WDR1: variants seen among roughly 807,000 people sequenced by gnomAD.
The protein encoded by WDR1 is WD repeat-containing protein 1.
WDR1 carries 21 observed loss-of-function variants against 71.9 expected under a neutral mutation model. The ratio of observed to expected loss-of-function variants is 0.29; its 90% CI spans 0.21 to 0.42. WDR1 has a LOEUF of 0.42. WDR1 is among the 10% of genes least tolerant of loss of function. The probability of loss-of-function intolerance (pLI) is 1.00; values close to 1 mark genes in which losing one functional copy is unlikely to be tolerated. For synonymous variants in WDR1, 424 were observed against 347.4 expected, an observed-to-expected ratio of 1.22 and a Z score of -2.45; for missense variants, 696 against 824.5, an observed-to-expected ratio of 0.84 and a Z score of 1.91.
At chr4:10,082,183 A>C (rs1765041381) in intron 10 of WDR1, among the ~76,000 whole-genome samples, 1 of 152,138 alleles carries the variant, frequency 6.6e-6, no homozygotes, top group Non-Finnish European at 1.5e-5. Context: ...ACTCATCGGG[A>C]GGCCCAATTT....
chr4:10,089,453 A>T (rs567929371), intron 5 of WDR1, among the ~76,000 whole-genome samples: 1 of 152,308 alleles, frequency 6.6e-6, no homozygotes, highest in Non-Finnish European at 1.5e-5. Flanking sequence ...TTCATCAAGA[A>T]CAAGAGCCTG....
At chr4:10,075,605 G>A (rs368072981) in intron 14 of WDR1, 121 bp from the exon 15 acceptor site, 76 of 897,332 alleles carry the variant, frequency 8.5e-5, no homozygotes, top group East Asian at 4.5e-4. Flanking sequence ...AAATGGCCAC[G>A]AATCGTTGTA....
At chr4:10,078,864 A>G (rs1245400232) in intron 12 of WDR1, 27 bp downstream of exon 12, 40 of 1,586,876 alleles carry the variant, frequency 2.5e-5, no homozygotes, top group Non-Finnish European at 3.4e-5. Flanking sequence ...AAGGACAGAG[A>G]GCACGGGGGA....
chr4:10,086,662 G>A (rs1254239643), intron 8 of WDR1, among the ~76,000 whole-genome samples: 1 of 152,222 alleles, frequency 6.6e-6, no homozygotes, highest in African/African-American at 2.4e-5. Context: ...GCAGAGGCTG[G>A]TCCCCCAGAG....
At chr4:10,082,981 T>C (rs764481423) in intron 10 of WDR1, 41 bp downstream of exon 10, 3 of 1,580,236 alleles carry the variant, frequency 1.9e-6, no homozygotes, top group Non-Finnish European at 1.7e-6. Context: ...CGAGGGGAGC[T>C]GAGGCTCATC....
At position 10,097,868 on chromosome 4, in the gene WDR1, T is replaced by C; in HGVS notation, c.401A>G (p.Asp134Gly). ...REKFGAVFLWDSGSSVGEITG... is the reference protein window; with the variant it reads ...REKFGAVFLWGSGSSVGEITG... The stretch of plus-strand genomic sequence containing the variant: ...AATCTCGCCCACAGAAGAGCCACTA[T>C]CCCAGAGGAAGACTGCTCCAAACCT... The change falls in exon 5 of 15, where the codon GAT becomes GGT. Residue 134 changes from aspartate (D) to glycine (G), a missense_variant. Transcript: ENST00000499869. The C allele has an allele frequency of 6.3e-7, 1 of 1,593,638 alleles. No homozygotes were observed. Among genetic ancestry groups the C allele is most frequent in the Non-Finnish European group, 8.5e-7 (1 of 1,172,484 alleles).
At chr4:10,089,946 G>A (rs550403045) in intron 5 of WDR1, among the ~76,000 whole-genome samples, 30 of 152,308 alleles carry the variant, frequency 2.0e-4, no homozygotes, top group African/African-American at 7.2e-4. Flanking sequence ...ATGCAGTCCA[G>A]TTAAAATGAG....
intron 5 of WDR1, chr4:10,092,056 G>A (rs886309149): frequency 2.0e-4 from 30 of 152,356 alleles, no homozygotes; most frequent in Admixed American, 1.9e-3. Context: ...GAGTTCTCTC[G>A]CTGCCGAACT....
At position 10,077,822 on chromosome 4, in the gene WDR1, G is replaced by A. The variant is rs568166167; in HGVS notation, c.1500C>T (p.Asp500=). The change falls in exon 13 of 15, where the codon GAC becomes GAT. Residue 500 remains aspartate, a synonymous_variant. Coordinates refer to ENST00000499869, the MANE Select transcript of WDR1 (RefSeq NM_017491.5). The part of the protein sequence containing the change: ...GPVTDVAYSH[D]GAFLAVCDAS... ...CGTCGCACACCGCGAGGAAGGCGCCGTCGTGGGAGTAGGCCACGTCGGTCA... is the reference window on the plus strand; with the variant it reads ...CGTCGCACACCGCGAGGAAGGCGCCATCGTGGGAGTAGGCCACGTCGGTCA... 1.1e-4 allele frequency: 171 copies of A among 1,607,782 alleles called. 1 individual carries two copies. The highest frequency in any genetic ancestry group is 1.3e-4 in the Non-Finnish European group (151 of 1,177,356).
At position 10,103,707 on chromosome 4, in the gene WDR1, C is replaced by T. The variant is rs528235771; in HGVS notation, c.229+189G>A. Among the ~76,000 whole-genome samples the T allele has an allele frequency of 3.9e-5, 6 of 152,328 alleles. No homozygotes were observed. In the South Asian group the frequency reaches 1.2e-3, roughly 32 times the overall value. On this transcript the variant is annotated intron_variant, in intron 3 of 14. Coordinates refer to ENST00000499869, the MANE Select transcript of WDR1 (RefSeq NM_017491.5). ...CCACCGGTTGGACAAGGCTGGCTTA[C>T]ACATTCCTTGTCAGCCTCAGCTGAA...
intron 5 of WDR1, among the ~76,000 whole-genome samples, chr4:10,089,015 C>T (rs113063781): frequency 0.02 from 2,988 of 152,322 alleles, 35 homozygotes; most frequent in Admixed American, 0.03. Flanking sequence ...TATGCCCCCC[C>T]CAGTGAGGTG....
chr4:10,116,470 C>A, intron 1 of WDR1, 181 bp downstream of exon 1: 3 of 741,304 alleles, frequency 4.0e-6, no homozygotes, highest in Non-Finnish European at 5.6e-6. Flanking sequence ...CTTGGGGGCG[C>A]ACCCCCCGTC....
At chr4:10,083,980 G>A (rs1227215800) in intron 9 of WDR1, among the ~76,000 whole-genome samples, 2 of 152,202 alleles carry the variant, frequency 1.3e-5, no homozygotes, top group Non-Finnish European at 2.9e-5. Flanking sequence ...ACTCTGGGGC[G>A]GGCACATCAG....
intron 5 of WDR1, chr4:10,093,130 C>A (rs1188731969): frequency 7.8e-7 from 1 of 1,289,228 alleles, no homozygotes; most frequent in African/African-American, 1.5e-5. Flanking sequence ...GCGCTGCAGG[C>A]CCCAGCTGGC....
intron 3 of WDR1, among the ~76,000 whole-genome samples, chr4:10,099,962 T>C (rs1043692635): frequency 1.3e-5 from 2 of 152,164 alleles, no homozygotes; most frequent in Non-Finnish European, 2.9e-5. Flanking sequence ...CCCACCACGA[T>C]CCTGTCACCA....
At chr4:10,075,620 A>G in intron 14 of WDR1, 136 bp from the exon 15 acceptor site, 1 of 781,040 alleles carries the variant, frequency 1.3e-6, no homozygotes, top group South Asian at 1.7e-5. Context: ...GTTGTAACTC[A>G]GGAGCCTGGC....
intron 8 of WDR1, among the ~76,000 whole-genome samples, chr4:10,087,229 C>G (rs1200833341): frequency 6.6e-6 from 1 of 152,234 alleles, no homozygotes; most frequent in East Asian, 1.9e-4. Flanking sequence ...CATTCAAACT[C>G]CAGGCAGCGC....
rs1347194677 is a variant in WDR1, at chr4:10,116,668, C to G, written c.-2G>C. The G allele has an allele frequency of 2.2e-6, 3 of 1,349,620 alleles. No individual in the cohort carries two copies. Among genetic ancestry groups the G allele is most frequent in the South Asian group, 3.5e-5 (2 of 57,090 alleles). 83.6% of individuals were successfully genotyped at this position (1,349,620 alleles called of 1,614,324 possible). On this transcript the variant is annotated 5_prime_UTR_variant, in exon 1 of 15. Coordinates refer to ENST00000499869, the MANE Select transcript of WDR1 (RefSeq NM_017491.5). ...GCACTTACTGATCTCGTACGGCATC[C>G]TCGCCCACTTGTTACCGCGCCGCGC... is the stretch of plus-strand genomic sequence containing the variant.
intron 2 of WDR1, among the ~76,000 whole-genome samples, chr4:10,107,552 C>G (rs1713096378): frequency 6.6e-6 from 1 of 152,180 alleles, no homozygotes; most frequent in South Asian, 2.1e-4. Context: ...GGCTGACTAC[C>G]CCAACCCATG....
Sources: gnomAD v4.1 joint callset for allele counts (sites outside exome capture counted in the v4.1 genomes callset) on GRCh38, gnomAD v4.1.1 for gene constraint, MANE v1.5 for transcripts, NCBI Gene and HGNC (gene_info 2026-07-23, HGNC 2026-07-21) for gene names.